MIS18A: variants seen among roughly 807,000 people sequenced by gnomAD.
MIS18A encodes protein Mis18-alpha.
A neutral mutation model predicts 25.0 loss-of-function variants in MIS18A; 14 were observed. That is an observed-to-expected ratio of 0.56 (90% CI 0.37 to 0.88). MIS18A has a LOEUF of 0.88. Among genes scored for constraint, MIS18A ranks in the 40% least tolerant of loss-of-function variants. MIS18A has a pLI of 0.00. For synonymous variants in MIS18A, 134 were observed against 118.6 expected (o/e 1.13, Z -0.84); for missense variants, 292 against 290.8 (o/e 1.00, Z -0.03).
the MIS18A span, among the ~76,000 whole-genome samples, chr21:32,227,044 A>G: frequency 2.3e-3 from 356 of 152,228 alleles, 2 homozygotes; most frequent in African/African-American, 8.2e-3. Context: ...ACAAAACACA[A>G]CATATCTATG....
In MIS18A at chr21:32,269,118, C is replaced by T; in HGVS notation, c.622-1G>A. The T allele has an allele frequency of 6.3e-7, 1 of 1,585,494 alleles. No individual in the cohort carries two copies. The highest frequency in any genetic ancestry group is 8.6e-7 in the Non-Finnish European group (1 of 1,163,620). On this transcript the variant is annotated splice_acceptor_variant, in intron 4 of 4. Transcript: ENST00000290130. LOFTEE classifies it high-confidence loss of function. ...GTAATGCTTTCAAGACATCTTCCATCTATTGAATTTAAAAAATAAAAAAAT... is the reference window on the plus strand; with the variant it reads ...GTAATGCTTTCAAGACATCTTCCATTTATTGAATTTAAAAAATAAAAAAAT...
rs142779811 is a variant in MIS18A at position 32,276,024 on chromosome 21, G to C, written c.335-1128C>G. On this transcript the variant is annotated intron_variant, in intron 1 of 4. Coordinates refer to ENST00000290130, the MANE Select transcript of MIS18A (RefSeq NM_018944.3). ...CACTAGAACAGATTACTACTCTTTA[G>C]AACAGACTACAACGCCTTGCAGTTT... is the stretch of plus-strand genomic sequence containing the variant. 2.6e-5 allele frequency among the ~76,000 whole-genome samples: 4 copies of C among 152,198 alleles called. No homozygotes were observed. In the East Asian group the frequency reaches 7.7e-4, roughly 29 times the overall value.
downstream of MIS18A, among the ~76,000 whole-genome samples, chr21:32,267,958 CTT>C (rs2031635301): frequency 6.6e-6 from 1 of 152,192 alleles, no homozygotes; most frequent in East Asian, 1.9e-4. Context: ...GTCAATGTGA[CTT>C]AGGACCTTTT....
chr21:32,259,293 C>T, the MIS18A span, among the ~76,000 whole-genome samples: 3 of 152,170 alleles, frequency 2.0e-5, no homozygotes, highest in African/African-American at 7.2e-5. Context: ...CCGCAGGCCT[C>T]TGGAGGGCAT....
the MIS18A span, among the ~76,000 whole-genome samples, chr21:32,185,927 G>A: frequency 5.3e-5 from 8 of 152,136 alleles, no homozygotes; most frequent in African/African-American, 1.7e-4. Context: ...ACCTGTTTAC[G>A]TTTTGGCTCC....
Position 32,269,810 on chromosome 21 carries a change from T to C in MIS18A, c.525-7A>G, listed in dbSNP as rs753983913. 19 of 1,537,326 alleles carry C rather than the reference T, an allele frequency of 1.2e-5. No homozygotes were observed. Among genetic ancestry groups the C allele is most frequent in the Admixed American group, 1.7e-5 (1 of 59,864 alleles). Reference sequence around the variant, plus strand: ...AGAGGACCCTAAAACATAACTGAAGTACGGTACAAGGTTAAAATACAAGCT... The same window carrying C: ...AGAGGACCCTAAAACATAACTGAAGCACGGTACAAGGTTAAAATACAAGCT... On this transcript the variant is annotated splice_region_variant and splice_polypyrimidine_tract_variant and intron_variant, in intron 3 of 4. Transcript: ENST00000290130.
the MIS18A span, among the ~76,000 whole-genome samples, chr21:32,227,806 A>G: frequency 6.6e-6 from 1 of 152,226 alleles, no homozygotes; most frequent in African/African-American, 2.4e-5. Flanking sequence ...TGAACATACT[A>G]TTAGTAAACC....
At chr21:32,211,132 C>T in the MIS18A span, among the ~76,000 whole-genome samples, 1 of 152,138 alleles carries the variant, frequency 6.6e-6, no homozygotes, top group Non-Finnish European at 1.5e-5. Context: ...CATTTGCCTC[C>T]CGGGTTCAAG....
At chr21:32,232,536 GTA>G in the MIS18A span, among the ~76,000 whole-genome samples, 47 of 151,572 alleles carry the variant, frequency 3.1e-4, no homozygotes, top group Non-Finnish European at 5.9e-4. Flanking sequence ...TTCATTTTGT[GTA>G]TATATATAAT....
At chr21:32,223,894 A>G in the MIS18A span, among the ~76,000 whole-genome samples, 1 of 152,260 alleles carries the variant, frequency 6.6e-6, no homozygotes, top group African/African-American at 2.4e-5. Context: ...ATAATGGTCA[A>G]CCAAATCCAG....
chr21:32,250,840 A>G, the MIS18A span, among the ~76,000 whole-genome samples: 9 of 152,292 alleles, frequency 5.9e-5, no homozygotes, highest in African/African-American at 2.2e-4. Context: ...CTGTCTCTTA[A>G]CAGGTGATAT....
intron 4 of MIS18A, among the ~76,000 whole-genome samples, chr21:32,269,375 A>T (rs2031671057): frequency 6.6e-6 from 1 of 152,250 alleles, no homozygotes; most frequent in Non-Finnish European, 1.5e-5. Flanking sequence ...TCTGGCAATG[A>T]GAAAATGTTA....
At chr21:32,233,404 T>C in the MIS18A span, among the ~76,000 whole-genome samples, 1 of 152,292 alleles carries the variant, frequency 6.6e-6, no homozygotes, top group South Asian at 2.1e-4. Context: ...ACTTTGAGGG[T>C]TTGCCATTTT....
chr21:32,173,469 T>C, the MIS18A span, among the ~76,000 whole-genome samples: 1 of 152,334 alleles, frequency 6.6e-6, no homozygotes, highest in South Asian at 2.1e-4. Flanking sequence ...AATGAAAATA[T>C]ATTTTCACAC....
At chr21:32,269,491 T>C (rs2031673224) in intron 4 of MIS18A, 2 of 501,078 alleles carry the variant, frequency 4.0e-6, no homozygotes, top group African/African-American at 4.0e-5. Flanking sequence ...TATATAGTTT[T>C]GATTTTGACA....
At chr21:32,199,165 A>G in the MIS18A span, among the ~76,000 whole-genome samples, 1 of 152,270 alleles carries the variant, frequency 6.6e-6, no homozygotes, top group South Asian at 2.1e-4. Flanking sequence ...ATGGATTTGC[A>G]TATTTAACAA....
chr21:32,216,224 C>T, the MIS18A span, among the ~76,000 whole-genome samples: 1 of 152,152 alleles, frequency 6.6e-6, no homozygotes, highest in Non-Finnish European at 1.5e-5. Flanking sequence ...ATTCCCATCC[C>T]TTACCCGTAC....
chr21:32,199,273 G>A, the MIS18A span, among the ~76,000 whole-genome samples: 3 of 152,094 alleles, frequency 2.0e-5, no homozygotes, highest in Non-Finnish European at 4.4e-5. Flanking sequence ...GATTTATACC[G>A]TCGTGCTGTG....
At chr21:32,192,835 C>T in the MIS18A span, among the ~76,000 whole-genome samples, 1 of 152,200 alleles carries the variant, frequency 6.6e-6, no homozygotes, top group Non-Finnish European at 1.5e-5. Flanking sequence ...ATGTGGCCCA[C>T]CTAAGAAGCT....
Sources: allele counts gnomAD v4.1 joint callset (sites outside exome capture counted in the v4.1 genomes callset), GRCh38; gene constraint gnomAD v4.1.1; transcripts MANE v1.5; gene names NCBI Gene and HGNC (gene_info 2026-07-23, HGNC 2026-07-21).